The following AGMO variants were observed in gnomAD, a reference collection of about 807,000 sequenced individuals.
AGMO encodes the protein glyceryl-ether monooxygenase.
AGMO carries 75 observed loss-of-function variants against 60.2 expected under a neutral mutation model. That is an observed-to-expected ratio of 1.25 (90% CI 1.03 to 1.51). The LOEUF (loss-of-function observed/expected upper bound fraction) is 1.51, where lower values mean the gene tolerates loss of function less well. AGMO is among the 40% of genes most tolerant of loss of function. The pLI, the probability that AGMO is intolerant of heterozygous loss-of-function variation, is 0.00. For synonymous variants in AGMO, 261 were observed against 177.1 expected (o/e 1.47, Z -3.76); for missense variants, 763 against 525.5 (o/e 1.45, Z -4.42).
the AGMO span, among the ~76,000 whole-genome samples, chr7:15,147,915 C>T: frequency 6.6e-6 from 1 of 152,136 alleles, no homozygotes; most frequent in Non-Finnish European, 1.5e-5. Context: ...ATTATTTTGA[C>T]TATTATTCAA....
chr7:15,211,334 G>T lies in AGMO; in HGVS notation c.1264-9975C>A, dbSNP rs181934982. On this transcript the variant is annotated intron_variant, in intron 12 of 12. Coordinates refer to ENST00000342526, the MANE Select transcript of AGMO (RefSeq NM_001004320.2). ...CAAAGTGACAGATGTGACATAAATT[G>T]TAAGTAGATTTTGGAACATGAGAGA... is the stretch of plus-strand genomic sequence containing the variant. 9.9e-5 allele frequency among the ~76,000 whole-genome samples: 15 copies of T among 151,930 alleles called. 1 individual carries two copies. The highest frequency in any genetic ancestry group is 3.6e-4 in the African/African-American group (15 of 41,424).
At chr7:15,330,704 G>C (rs1474220438) in intron 12 of AGMO, among the ~76,000 whole-genome samples, 1 of 152,032 alleles carries the variant, frequency 6.6e-6, no homozygotes, top group Non-Finnish European at 1.5e-5. Flanking sequence ...ATATATTTTA[G>C]TTGCTAATAT....
chr7:15,484,713 A>C (rs1471604587), intron 3 of AGMO, among the ~76,000 whole-genome samples: 1 of 152,224 alleles, frequency 6.6e-6, no homozygotes, highest in African/African-American at 2.4e-5. Context: ...TAGAAACTTA[A>C]GTTATTAAGA....
intron 10 of AGMO, among the ~76,000 whole-genome samples, chr7:15,368,514 A>C (rs753413790): frequency 5.3e-5 from 8 of 152,126 alleles, no homozygotes; most frequent in Non-Finnish European, 1.0e-4. Context: ...AAACATGAGC[A>C]AATTATTTGA....
At chr7:15,485,350 G>A (rs1468947877) in intron 3 of AGMO, among the ~76,000 whole-genome samples, 1 of 151,756 alleles carries the variant, frequency 6.6e-6, no homozygotes, top group African/African-American at 2.4e-5. Context: ...TGAAAAATGA[G>A]TTTTAAGTAG....
intron 3 of AGMO, among the ~76,000 whole-genome samples, chr7:15,450,419 CAAAAA>C (rs1280167748): frequency 1.2e-5 from 1 of 85,038 alleles, no homozygotes. Context: ...GTCTCCATCT[CAAAAA>C]AAAAAAAAAG....
intron 11 of AGMO, 47 bp downstream of exon 11, chr7:15,366,093 C>A (rs538881554): frequency 4.9e-6 from 7 of 1,441,744 alleles, no homozygotes; most frequent in Non-Finnish European, 6.7e-6. Context: ...GTGGAAAATT[C>A]TTGAATTGAG....
At chr7:15,363,425 T>C (rs1258611723) in intron 12 of AGMO, among the ~76,000 whole-genome samples, 2 of 152,178 alleles carry the variant, frequency 1.3e-5, no homozygotes, top group South Asian at 2.1e-4. Context: ...TCTTATTTAA[T>C]CCTCAAAATC....
chr7:15,449,433 T>C (rs968302298), intron 3 of AGMO, among the ~76,000 whole-genome samples: 2 of 152,130 alleles, frequency 1.3e-5, no homozygotes, highest in African/African-American at 2.4e-5. Flanking sequence ...ACATATATCA[T>C]AGTGGTCCCA....
chr7:15,359,740 G>A (rs889245089), intron 12 of AGMO, among the ~76,000 whole-genome samples: 1 of 152,182 alleles, frequency 6.6e-6, no homozygotes, highest in East Asian at 1.9e-4. Context: ...TGCCAAACAA[G>A]TTCTAAATAA....
At chr7:15,300,863 T>A (rs1296296119) in intron 12 of AGMO, among the ~76,000 whole-genome samples, 2 of 152,156 alleles carry the variant, frequency 1.3e-5, no homozygotes, top group East Asian at 3.9e-4. Context: ...CATGGCAAAA[T>A]GTACTTTTTT....
At chr7:15,117,939 C>T in the AGMO span, among the ~76,000 whole-genome samples, 4 of 151,712 alleles carry the variant, frequency 2.6e-5, no homozygotes, top group African/African-American at 7.2e-5. Context: ...ATTGAAACTG[C>T]GAAGTTTGAT....
chr7:15,544,738 A>T (rs367589965), intron 3 of AGMO, 34 bp downstream of exon 3: 2 of 1,522,456 alleles, frequency 1.3e-6, no homozygotes, highest in Non-Finnish European at 1.8e-6. Flanking sequence ...ACAGTTCAAC[A>T]TAAGTTAACA....
intron 12 of AGMO, among the ~76,000 whole-genome samples, chr7:15,264,612 T>A (rs78404086): frequency 0.025 from 3,855 of 151,968 alleles, 162 homozygotes; most frequent in African/African-American, 0.089. Flanking sequence ...AATTAAAAAA[T>A]GGGCAAAGGA....
intron 1 of AGMO, among the ~76,000 whole-genome samples, chr7:15,561,223 G>C (rs1397391250): frequency 6.6e-6 from 1 of 152,134 alleles, no homozygotes; most frequent in African/African-American, 2.4e-5. Flanking sequence ...GAGCACTTCA[G>C]AGTTTCAAAG....
the AGMO span, among the ~76,000 whole-genome samples, chr7:15,150,256 T>C: frequency 4.6e-5 from 7 of 152,054 alleles, no homozygotes; most frequent in Non-Finnish European, 1.0e-4. Flanking sequence ...TGAAGAGAGA[T>C]AGTTTTACTT....
intron 3 of AGMO, among the ~76,000 whole-genome samples, chr7:15,527,689 C>A (rs1014471275): frequency 6.6e-6 from 1 of 152,168 alleles, no homozygotes; most frequent in Non-Finnish European, 1.5e-5. Context: ...CTACAATTTT[C>A]ATAGTTAGAA....
chr7:15,129,018 G>T, the AGMO span, among the ~76,000 whole-genome samples: 1 of 152,052 alleles, frequency 6.6e-6, no homozygotes, highest in Non-Finnish European at 1.5e-5. Context: ...GAATGCGGGT[G>T]GTGGTGGGCT....
intron 5 of AGMO, 36 bp downstream of exon 5, chr7:15,418,522 A>T: frequency 7.8e-7 from 1 of 1,287,498 alleles, no homozygotes; most frequent in Non-Finnish European, 1.1e-6. Context: ...CAGGCTGTTT[A>T]GGTATAAAAC....
Sources: allele counts gnomAD v4.1 joint callset (sites outside exome capture counted in the v4.1 genomes callset), GRCh38; gene constraint gnomAD v4.1.1; transcripts MANE v1.5; gene names NCBI Gene and HGNC (gene_info 2026-07-23, HGNC 2026-07-21).